EPB41L2: variants seen among roughly 807,000 people sequenced by gnomAD.
EPB41L2 encodes band 4.1-like protein 2.
Under a neutral mutation model 113.0 loss-of-function variants are expected in EPB41L2, and 43 were observed. The ratio of observed to expected loss-of-function variants is 0.38; its 90% CI spans 0.30 to 0.49. EPB41L2 has a LOEUF of 0.49. Among genes scored for constraint, EPB41L2 ranks in the 20% least tolerant of loss-of-function variants. The probability of loss-of-function intolerance (pLI) is 0.95; values close to 1 mark genes in which losing one functional copy is unlikely to be tolerated. For missense variants in EPB41L2, 1,147 were observed against 1,223.4 expected (o/e 0.94, Z 0.93); for synonymous variants, 442 against 436.7 (o/e 1.01, Z -0.15).
At chr6:130,955,861 C>A in intron 2 of EPB41L2, 133 bp downstream of exon 2, 1 of 1,437,498 alleles carries the variant, frequency 7.0e-7, no homozygotes, top group Non-Finnish European at 9.3e-7. Context: ...ATCTAAGACC[C>A]ATTCCGTATA....
chr6:130,959,220 G>T (rs930527052), intron 1 of EPB41L2, among the ~76,000 whole-genome samples: 6 of 152,064 alleles, frequency 3.9e-5, no homozygotes, highest in African/African-American at 1.2e-4. Context: ...TGTAAAAGTG[G>T]GTCTGGCTGA....
At chr6:130,994,496 T>C (rs772856294) in intron 1 of EPB41L2, among the ~76,000 whole-genome samples, 6 of 152,158 alleles carry the variant, frequency 3.9e-5, no homozygotes, top group Non-Finnish European at 7.3e-5. Flanking sequence ...GAACAGCCCC[T>C]GCAGACTGCA....
At chr6:130,964,535 A>G (rs1774515305) in intron 1 of EPB41L2, among the ~76,000 whole-genome samples, 1 of 151,484 alleles carries the variant, frequency 6.6e-6, no homozygotes, top group African/African-American at 2.4e-5. Flanking sequence ...GGTTGATTCT[A>G]AGCATTAGAT....
At chr6:131,051,891 G>A (rs755507404) in intron 1 of EPB41L2, among the ~76,000 whole-genome samples, 1 of 151,648 alleles carries the variant, frequency 6.6e-6, no homozygotes, top group African/African-American at 2.4e-5. Flanking sequence ...AATACTAGAA[G>A]TCTTCATTAA....
chr6:130,904,322 T>C, intron 6 of EPB41L2, 143 bp downstream of exon 6: 1 of 467,498 alleles, frequency 2.1e-6, no homozygotes, highest in Non-Finnish European at 3.9e-6. Context: ...ACTATTTGGA[T>C]GTACCCATTT....
At chr6:130,860,506 C>T (rs1200132402) in intron 18 of EPB41L2, among the ~76,000 whole-genome samples, 5 of 152,120 alleles carry the variant, frequency 3.3e-5, no homozygotes, top group Admixed American at 1.3e-4. Context: ...GAAAACATCA[C>T]ATCTTACTGC....
At chr6:131,044,021 T>A (rs1363059180) in intron 1 of EPB41L2, among the ~76,000 whole-genome samples, 1 of 34,320 alleles carries the variant, frequency 2.9e-5, no homozygotes, top group Non-Finnish European at 4.3e-5. Flanking sequence ...AAATAATGCT[T>A]TTTTTTTTTT....
chr6:130,988,270 C>T (rs1164386797), intron 1 of EPB41L2, among the ~76,000 whole-genome samples: 1 of 152,116 alleles, frequency 6.6e-6, no homozygotes, highest in Non-Finnish European at 1.5e-5. Context: ...TGCCAAGATT[C>T]AAGGCCAGAA....
At chr6:130,921,829 A>G (rs955906157) in intron 4 of EPB41L2, among the ~76,000 whole-genome samples, 11 of 152,214 alleles carry the variant, frequency 7.2e-5, no homozygotes, top group Admixed American at 2.6e-4. Context: ...ATTAAGCTCT[A>G]TCACTGAATT....
intron 1 of EPB41L2, among the ~76,000 whole-genome samples, chr6:130,999,744 CAT>C (rs1259068179): frequency 6.6e-6 from 1 of 152,154 alleles, no homozygotes; most frequent in African/African-American, 2.4e-5. Context: ...CCTCCTGAAT[CAT>C]ATTAATTTTA....
intron 1 of EPB41L2, among the ~76,000 whole-genome samples, chr6:130,979,030 T>A (rs1188444165): frequency 6.6e-6 from 1 of 151,528 alleles, no homozygotes; most frequent in Non-Finnish European, 1.5e-5. Flanking sequence ...GGGTGGGGAG[T>A]GGAGGAGACA....
chr6:130,865,451 T>C (rs1783430728), intron 17 of EPB41L2, 85 bp downstream of exon 17: 1 of 1,299,382 alleles, frequency 7.7e-7, no homozygotes, highest in South Asian at 1.3e-5. Context: ...TACTTGGAAG[T>C]GTGTACAGGA....
chr6:130,901,976 C>T (rs1331489042), intron 6 of EPB41L2, among the ~76,000 whole-genome samples: 1 of 152,230 alleles, frequency 6.6e-6, no homozygotes, highest in African/African-American at 2.4e-5. Flanking sequence ...AAAGAATTTC[C>T]GTTTTCCATG....
chr6:130,972,245 A>T (rs763695943), intron 1 of EPB41L2, among the ~76,000 whole-genome samples: 28 of 146,206 alleles, frequency 1.9e-4, no homozygotes, highest in Non-Finnish European at 3.3e-4. Context: ...AATTGCTTGA[A>T]CTCAGGAGGT....
intron 1 of EPB41L2, among the ~76,000 whole-genome samples, chr6:131,049,804 G>T (rs1444549746): frequency 6.6e-6 from 1 of 152,104 alleles, no homozygotes; most frequent in Non-Finnish European, 1.5e-5. Context: ...TACCTTCAGG[G>T]CTCAAGACAC....
intron 5 of EPB41L2, 66 bp from the exon 6 acceptor site, chr6:130,904,606 T>C (rs1797204724): frequency 6.1e-6 from 7 of 1,143,054 alleles, no homozygotes. Context: ...TGATAAAATT[T>C]AAAGGTCAAG....
At chr6:130,892,727 C>T (rs1347397743) in intron 10 of EPB41L2, among the ~76,000 whole-genome samples, 1 of 152,102 alleles carries the variant, frequency 6.6e-6, no homozygotes, top group Non-Finnish European at 1.5e-5. Context: ...AAATAGCAAA[C>T]TGTGATACCA....
At chr6:130,865,294 A>G (rs1783372293) in intron 17 of EPB41L2, among the ~76,000 whole-genome samples, 1 of 152,236 alleles carries the variant, frequency 6.6e-6, no homozygotes, top group Non-Finnish European at 1.5e-5. Context: ...TTTTGTAGCT[A>G]TCTTACATAT....
chr6:130,841,007 A>G (rs1165604683), intron 19 of EPB41L2, among the ~76,000 whole-genome samples: 3 of 152,262 alleles, frequency 2.0e-5, no homozygotes, highest in East Asian at 3.9e-4. Context: ...GGAAAAACAC[A>G]ATGAGGAAAG....
Sources: gnomAD v4.1 joint callset for allele counts (sites outside exome capture counted in the v4.1 genomes callset) on GRCh38, gnomAD v4.1.1 for gene constraint, MANE v1.5 for transcripts, NCBI Gene and HGNC (gene_info 2026-07-23, HGNC 2026-07-21) for gene names.